SMYD3: variants seen among roughly 807,000 people sequenced by gnomAD.
The protein encoded by SMYD3 is histone-lysine N-methyltransferase SMYD3.
In SMYD3, 36 loss-of-function variants were observed where a neutral mutation model predicts 57.7. The ratio of observed to expected loss-of-function variants is 0.62; its 90% CI spans 0.48 to 0.82. The LOEUF is 0.82. SMYD3 is among the 40% of genes least tolerant of loss of function. The pLI, the probability that SMYD3 is intolerant of heterozygous loss-of-function variation, is 0.00. For missense variants in SMYD3, 515 were observed against 538.8 expected (o/e 0.96, Z 0.44); for synonymous variants, 211 against 195.0 (o/e 1.08, Z -0.68).
At chr1:245,965,336 G>C (rs890586233) in intron 5 of SMYD3, among the ~76,000 whole-genome samples, 2 of 152,148 alleles carry the variant, frequency 1.3e-5, no homozygotes, top group Admixed American at 1.3e-4. Flanking sequence ...ATTCGAAAAT[G>C]GACTTGGATT....
chr1:245,903,465 A>T (rs1362646020), intron 8 of SMYD3, among the ~76,000 whole-genome samples: 1 of 152,164 alleles, frequency 6.6e-6, no homozygotes, highest in Non-Finnish European at 1.5e-5. Context: ...CCACCCCCAC[A>T]AGGACACCAA....
At chr1:246,023,380 G>A (rs1450229349) in intron 5 of SMYD3, among the ~76,000 whole-genome samples, 4 of 152,166 alleles carry the variant, frequency 2.6e-5, no homozygotes, top group African/African-American at 9.7e-5. Flanking sequence ...AATCAAATGT[G>A]TCTTGTTACT....
At chr1:246,461,185 G>T (rs961241173) in intron 1 of SMYD3, among the ~76,000 whole-genome samples, 5 of 152,158 alleles carry the variant, frequency 3.3e-5, no homozygotes, top group African/African-American at 1.2e-4. Context: ...TTTGTTTCAA[G>T]GAAAATTAAT....
At chr1:246,131,079 G>A (rs1055531167) in intron 5 of SMYD3, among the ~76,000 whole-genome samples, 1 of 152,044 alleles carries the variant, frequency 6.6e-6, no homozygotes, top group Non-Finnish European at 1.5e-5. Flanking sequence ...CCACTTGGCT[G>A]CTGCTGAAAT....
intron 5 of SMYD3, among the ~76,000 whole-genome samples, chr1:246,084,265 C>A (rs1011653691): frequency 8.0e-5 from 12 of 149,268 alleles, no homozygotes; most frequent in African/African-American, 3.0e-4. Flanking sequence ...GCTGAGGCTA[C>A]AGTGCAGTGG....
chr1:245,913,785 T>A (rs2055196247), intron 8 of SMYD3, among the ~76,000 whole-genome samples: 1 of 151,802 alleles, frequency 6.6e-6, no homozygotes, highest in Non-Finnish European at 1.5e-5. Context: ...AGCAAAAATA[T>A]CACAAATATT....
At position 245,783,207 on chromosome 1, in the gene SMYD3, AG is replaced by A. The variant is rs2046903681; in HGVS notation, c.1077-19059del. On this transcript the variant is annotated intron_variant, in intron 10 of 11. Transcript: ENST00000490107. Reference sequence around the variant, plus strand: ...GATAAGAGAAGGCTGAGATATGAGGAGCCTTCACAGAAGTACATTCTACAGT... The same window carrying A: ...GATAAGAGAAGGCTGAGATATGAGGACCTTCACAGAAGTACATTCTACAGT... 2.6e-5 allele frequency among the ~76,000 whole-genome samples: 4 copies of A among 152,142 alleles called. No individual in the cohort carries two copies. The South Asian group carries it at 8.3e-4, about 31-fold the overall frequency.
intron 1 of SMYD3, among the ~76,000 whole-genome samples, chr1:246,415,118 T>C (rs1007786894): frequency 1.3e-5 from 2 of 152,214 alleles, no homozygotes; most frequent in African/African-American, 2.4e-5. Context: ...GCTAGGTCTG[T>C]TTCATATTAC....
intron 5 of SMYD3, among the ~76,000 whole-genome samples, chr1:246,169,137 C>A (rs1412820840): frequency 6.6e-6 from 1 of 152,092 alleles, no homozygotes; most frequent in Non-Finnish European, 1.5e-5. Flanking sequence ...CTCCCACCTA[C>A]ACCAAATTTA....
At chr1:246,445,273 C>A (rs1242250063) in intron 1 of SMYD3, among the ~76,000 whole-genome samples, 1 of 152,090 alleles carries the variant, frequency 6.6e-6, no homozygotes, top group African/African-American at 2.4e-5. Flanking sequence ...CAAATAAAAC[C>A]CTCTCCTGAG....
At chr1:245,842,901 G>A (rs908323794) in intron 10 of SMYD3, among the ~76,000 whole-genome samples, 1 of 152,066 alleles carries the variant, frequency 6.6e-6, no homozygotes, top group African/African-American at 2.4e-5. Flanking sequence ...TGTAAGACAA[G>A]GTCTTCCTAT....
At chr1:246,101,077 T>G (rs926739530) in intron 5 of SMYD3, among the ~76,000 whole-genome samples, 128 of 122,970 alleles carry the variant, frequency 1.0e-3, no homozygotes, top group African/African-American at 2.7e-3. Context: ...TTTTGTTTTT[T>G]TTTTTTTTTT....
intron 5 of SMYD3, among the ~76,000 whole-genome samples, chr1:246,296,268 C>T (rs944761384): frequency 1.3e-5 from 2 of 152,132 alleles, no homozygotes; most frequent in Non-Finnish European, 1.5e-5. Flanking sequence ...GTTTCTACAA[C>T]GATTCAAGAA....
chr1:246,292,077 CAGCATCTTAGACTTACTATCCAACACACA>C, intron 5 of SMYD3, among the ~76,000 whole-genome samples: 1 of 151,438 alleles, frequency 6.6e-6, no homozygotes, highest in African/African-American at 2.4e-5. Flanking sequence ...TCCAACACAC[CAGCATCTTAGACTTACTATCCAACACACA>C]AGCATCTTAG....
intron 1 of SMYD3, among the ~76,000 whole-genome samples, chr1:246,497,178 A>G (rs1352168928): frequency 6.6e-6 from 1 of 152,212 alleles, no homozygotes; most frequent in Non-Finnish European, 1.5e-5. Context: ...TTCCCTCCAG[A>G]TCATACCAAC....
At chr1:246,141,809 C>CT (rs1303167482) in intron 5 of SMYD3, among the ~76,000 whole-genome samples, 1 of 152,180 alleles carries the variant, frequency 6.6e-6, no homozygotes, top group Admixed American at 6.5e-5. Flanking sequence ...TGTTTAAACC[C>CT]TGGTGATTGA....
At chr1:245,806,757 A>AG (rs1251880844) in intron 10 of SMYD3, among the ~76,000 whole-genome samples, 1 of 150,044 alleles carries the variant, frequency 6.7e-6, no homozygotes, top group Non-Finnish European at 1.5e-5. Context: ...AAAAATACAA[A>AG]AAATTAGCCG....
At chr1:246,061,709 A>G (rs773195791) in intron 5 of SMYD3, among the ~76,000 whole-genome samples, 4 of 152,248 alleles carry the variant, frequency 2.6e-5, no homozygotes, top group Admixed American at 2.0e-4. Context: ...TGGGCGACAG[A>G]GTGAGACCCT....
intron 1 of SMYD3, among the ~76,000 whole-genome samples, chr1:246,378,931 T>C (rs1383412955): frequency 1.5e-5 from 2 of 137,866 alleles, no homozygotes; most frequent in Admixed American, 8.0e-5. Flanking sequence ...TCCTCAGAAA[T>C]GGAAATTTGT....
Sources: allele counts gnomAD v4.1 joint callset (sites outside exome capture counted in the v4.1 genomes callset), GRCh38; gene constraint gnomAD v4.1.1; transcripts MANE v1.5; gene names NCBI Gene and HGNC (gene_info 2026-07-23, HGNC 2026-07-21).